ADCY10: variants seen among roughly 807,000 people sequenced by gnomAD.
The protein encoded by ADCY10 is adenylate cyclase 10.
Under a neutral mutation model 183.3 loss-of-function variants are expected in ADCY10, and 156 were observed. That is an observed-to-expected ratio of 0.85 (90% CI 0.75 to 0.97). The LOEUF (loss-of-function observed/expected upper bound fraction) is 0.97. Ranked by LOEUF, ADCY10 falls within the 50% of genes least tolerant of loss-of-function variation. The pLI, the probability that ADCY10 is intolerant of heterozygous loss-of-function variation, is 0.00. For missense variants in ADCY10, 1,745 were observed against 1,934.3 expected (o/e 0.90, Z 1.84); for synonymous variants, 645 against 670.0 (o/e 0.96, Z 0.58).
rs369050423 is a variant in ADCY10 at position 167,878,666 on chromosome 1, G to A, written c.1217-31C>T. The A allele has an allele frequency of 8.7e-6, 14 of 1,601,676 alleles. No homozygotes were observed. The African/African-American group carries it at 1.7e-4, about 20-fold the overall frequency. ...GCAAGAAAGAGAAAGTCAAAGATCA[G>A]GGAAATAACAGGCATTGAACTGAAT... On this transcript the variant is annotated intron_variant, in intron 11 of 32. Coordinates refer to ENST00000367851, the MANE Select transcript of ADCY10 (RefSeq NM_018417.6).
At chr1:167,845,423 G>T in intron 21 of ADCY10, 140 bp downstream of exon 21, 1 of 826,276 alleles carries the variant, frequency 1.2e-6, no homozygotes. Context: ...ATTGGCCTAG[G>T]CTGCTGAAGT....
intron 30 of ADCY10, chr1:167,820,662 G>A (rs1201830183): frequency 6.4e-6 from 1 of 155,048 alleles, no homozygotes; most frequent in Non-Finnish European, 1.4e-5. Flanking sequence ...TTTCTTGCCA[G>A]GTGCAGTGGC....
In ADCY10 at chr1:167,872,231, A is replaced by T. The variant is rs369333286; in HGVS notation, c.1463-1821T>A. On this transcript the variant is annotated intron_variant, in intron 13 of 32. Coordinates refer to ENST00000367851, the MANE Select transcript of ADCY10 (RefSeq NM_018417.6). Reference sequence around the variant, plus strand: ...TGCATGCCTGTAATCCCAGCTACTCAGGAGGCTGAGGCAGGAGAATTGCTT... The same window carrying T: ...TGCATGCCTGTAATCCCAGCTACTCTGGAGGCTGAGGCAGGAGAATTGCTT... 9.2e-5 allele frequency among the ~76,000 whole-genome samples: 14 copies of T among 152,072 alleles called. No homozygotes were observed. In the East Asian group the frequency reaches 2.5e-3, roughly 27 times the overall value.
chr1:167,832,879 G>C, intron 25 of ADCY10, 108 bp downstream of exon 25: 1 of 1,183,978 alleles, frequency 8.4e-7, no homozygotes, highest in South Asian at 1.3e-5. Flanking sequence ...CCAAACAGGA[G>C]TCCTTGTGCC....
Position 167,845,576 on chromosome 1 carries a change from A to G in ADCY10, c.2994T>C (p.Ser998=), listed in dbSNP as rs1340911867. 1 of 1,614,178 alleles carries G rather than the reference A, an allele frequency of 6.2e-7. No homozygotes were observed. Among genetic ancestry groups the G allele is most frequent in the Non-Finnish European group, 8.5e-7 (1 of 1,179,994 alleles). ...GAAGTAGGTTACTTTTAAATCCATG[A>G]GACATAGCCATCTTTTTAATGGCAT... ...DMDAIKKMAM[S]HGFKTEEKLI... is the part of the protein sequence containing the mutation. Residue 998 remains serine, a synonymous_variant, in exon 21 of 33, where the codon TCT becomes TCC. Coordinates refer to ENST00000367851, the MANE Select transcript of ADCY10 (RefSeq NM_018417.6).
intron 10 of ADCY10, 91 bp downstream of exon 10, chr1:167,880,400 T>G (rs1571386445): frequency 2.8e-6 from 3 of 1,070,862 alleles, no homozygotes; most frequent in East Asian, 4.7e-5. Context: ...TCTTAATTAA[T>G]TCTTCTTTCT....
rs562154373 is a variant in ADCY10 at position 167,834,176 on chromosome 1, A to G, written c.3310-99T>C. 4 of 875,346 alleles carry G rather than the reference A, an allele frequency of 4.6e-6. No individual in the cohort carries two copies. The Admixed American group carries it at 7.8e-5, about 17-fold the overall frequency. The allele number at this position is 875,346 out of a possible 1,614,324, so 54.2% of individuals were successfully genotyped here. The stretch of plus-strand genomic sequence containing the variant: ...ACTCTACTGAAGTAAGAGATGCAGG[A>G]GCCATTTCAGTTACCACCTCCACTT... On this transcript the variant is annotated intron_variant, in intron 23 of 32. Transcript: ENST00000367851.
chr1:167,870,638 CAA>C (rs58787930), intron 13 of ADCY10, among the ~76,000 whole-genome samples: 5 of 93,734 alleles, frequency 5.3e-5, no homozygotes, highest in Admixed American at 3.8e-4. Context: ...ACTGAAAATA[CAA>C]AAAAAAAAAA....
chr1:167,832,549 C>T (rs1482187941), intron 25 of ADCY10, among the ~76,000 whole-genome samples: 1 of 152,118 alleles, frequency 6.6e-6, no homozygotes, highest in East Asian at 1.9e-4. Context: ...GAGTTTTGTC[C>T]TTTGGCAAAT....
chr1:167,880,956 C>T (rs940283315), intron 9 of ADCY10, among the ~76,000 whole-genome samples: 1 of 152,138 alleles, frequency 6.6e-6, no homozygotes, highest in Non-Finnish European at 1.5e-5. Context: ...GAAAAGGCAC[C>T]AGCTCTGGAA....
Position 167,901,824 on chromosome 1 carries a change from C to G in ADCY10, c.293-19G>C, listed in dbSNP as rs202022950. 6.2e-7 allele frequency: 1 copy of G among 1,614,168 alleles called. No homozygotes were observed. Among genetic ancestry groups the G allele is most frequent in the Non-Finnish European group, 8.5e-7 (1 of 1,180,032 alleles). ...GCATCACCTTCAGAGAGAGACATGC[C>G]GCGGGCTTTTGACCTGCCCTGGGGA... On this transcript the variant is annotated intron_variant, in intron 4 of 32. Transcript: ENST00000367851.
In ADCY10 at chr1:167,813,013, C is replaced by G. The variant is rs191081318; in HGVS notation, c.4483-2100G>C. Among the ~76,000 whole-genome samples the G allele has an allele frequency of 3.3e-5, 5 of 151,762 alleles. No individual in the cohort carries two copies. In the East Asian group the frequency reaches 7.8e-4, roughly 24 times the overall value. ...CAGAGCCTAAGGGACTTGTGGAACACCAAGAAGTGAACCAATAAATGCATT... is the reference window on the plus strand; with the variant it reads ...CAGAGCCTAAGGGACTTGTGGAACAGCAAGAAGTGAACCAATAAATGCATT... On this transcript the variant is annotated intron_variant, in intron 31 of 32. Coordinates refer to ENST00000367851, the MANE Select transcript of ADCY10 (RefSeq NM_018417.6).
intron 9 of ADCY10, among the ~76,000 whole-genome samples, chr1:167,881,490 C>CAGTGTTT (rs1667865841): frequency 6.6e-6 from 1 of 152,180 alleles, no homozygotes; most frequent in East Asian, 1.9e-4. Flanking sequence ...AAGGGGGAAA[C>CAGTGTTT]ACTGCTTCTA....
Position 167,905,174 on chromosome 1 carries a change from AG to A in ADCY10, c.-35del. On this transcript the variant is annotated 5_prime_UTR_variant, in exon 2 of 33. The change creates a premature stop within an existing upstream ORF in the 5' untranslated region. Coordinates refer to ENST00000367851, the MANE Select transcript of ADCY10 (RefSeq NM_018417.6). ...CAAATGTTCAGGATTTTATGGTGAC[AG>A]GAAGCAGTCTCCAAATAGGTCTTCT... is the stretch of plus-strand genomic sequence containing the variant. The A allele has an allele frequency of 6.2e-7, 1 of 1,613,558 alleles. No individual in the cohort carries two copies. The highest frequency in any genetic ancestry group is 8.5e-7 in the Non-Finnish European group (1 of 1,179,452).
At chr1:167,812,641 CA>C (rs999513139) in intron 31 of ADCY10, among the ~76,000 whole-genome samples, 36 of 151,964 alleles carry the variant, frequency 2.4e-4, no homozygotes, top group African/African-American at 8.5e-4. Flanking sequence ...TGGCTCATCC[CA>C]AGGGGGAAAA....
chr1:167,875,766 C>T (rs978300519), intron 12 of ADCY10, among the ~76,000 whole-genome samples: 4 of 152,012 alleles, frequency 2.6e-5, no homozygotes, highest in East Asian at 1.9e-4. Flanking sequence ...CTGGCTAACA[C>T]GGTGAAACCC....
chr1:167,835,911 G>T (rs1327968548), intron 23 of ADCY10, among the ~76,000 whole-genome samples: 4 of 151,990 alleles, frequency 2.6e-5, no homozygotes, highest in Non-Finnish European at 5.9e-5. Context: ...AACCAGAATT[G>T]CACTTATCCA....
In ADCY10 at chr1:167,833,172, G is replaced by A. The variant is rs376190532; in HGVS notation, c.3418-10C>T. 504 of 1,613,598 alleles carry A rather than the reference G, an allele frequency of 3.1e-4. 8 individuals are homozygous for A. The South Asian group carries it at 4.7e-3, about 15-fold the overall frequency. On this transcript the variant is annotated splice_polypyrimidine_tract_variant and intron_variant, in intron 24 of 32. Transcript: ENST00000367851. ...CCATATTGAAACAGACCTACAGGGAGGTGGGAGGGAAGAGAGGAAAAGAGG... is the reference window on the plus strand; with the variant it reads ...CCATATTGAAACAGACCTACAGGGAAGTGGGAGGGAAGAGAGGAAAAGAGG...
intron 26 of ADCY10, among the ~76,000 whole-genome samples, chr1:167,825,910 G>T (rs552261572): frequency 1.1e-4 from 17 of 152,310 alleles, no homozygotes; most frequent in African/African-American, 4.1e-4. Flanking sequence ...GAGGAGAAAA[G>T]GGTTCCTTCT....
Sources: gnomAD v4.1 joint callset for allele counts (sites outside exome capture counted in the v4.1 genomes callset) on GRCh38, gnomAD v4.1.1 for gene constraint, MANE v1.5 for transcripts, NCBI Gene and HGNC (gene_info 2026-07-23, HGNC 2026-07-21) for gene names.